The following RASGEF1A variants were observed in gnomAD, a reference collection of about 807,000 sequenced individuals.
RASGEF1A encodes the protein RasGEF domain family member 1A, also known as ras-GEF domain-containing family member 1A.
Under a neutral mutation model 56.4 loss-of-function variants are expected in RASGEF1A, and 18 were observed. That is an observed-to-expected ratio of 0.32 (90% CI 0.22 to 0.47). The LOEUF is 0.47. Ranked by LOEUF, RASGEF1A falls within the 20% of genes least tolerant of loss-of-function variation. The pLI is 1.00. For synonymous variants in RASGEF1A, 245 were observed against 242.6 expected (o/e 1.01, Z -0.09); for missense variants, 422 against 627.1 (o/e 0.67, Z 3.49).
At chr10:43,201,745 C>T in intron 4 of RASGEF1A, 63 bp downstream of exon 4, 1 of 1,442,240 alleles carries the variant, frequency 6.9e-7, no homozygotes, top group Non-Finnish European at 9.3e-7. Flanking sequence ...AAGCCCCCAC[C>T]CTCCCGAGGG....
chr10:43,230,555 G>C (rs947285403), intron 1 of RASGEF1A, among the ~76,000 whole-genome samples: 1 of 151,498 alleles, frequency 6.6e-6, no homozygotes, highest in African/African-American at 2.4e-5. Context: ...AGCTGGGTGA[G>C]AGACCCCTTG....
At chr10:43,235,590 G>A (rs917518492) in intron 1 of RASGEF1A, among the ~76,000 whole-genome samples, 7 of 152,212 alleles carry the variant, frequency 4.6e-5, no homozygotes, top group East Asian at 1.9e-4. Context: ...GTGCCAAGGC[G>A]CCATCCTCAG....
intron 1 of RASGEF1A, among the ~76,000 whole-genome samples, chr10:43,220,186 T>A (rs1050546632): frequency 2.0e-5 from 3 of 152,208 alleles, no homozygotes; most frequent in African/African-American, 7.2e-5. Flanking sequence ...TGTGTAATAA[T>A]GTGTTGTGGT....
At chr10:43,201,989 T>G (rs958090289) in intron 3 of RASGEF1A, 44 bp from the exon 4 acceptor site, 36 of 1,548,224 alleles carry the variant, frequency 2.3e-5, no homozygotes, top group Non-Finnish European at 3.1e-5. Context: ...CAGGGCAGAG[T>G]AGGGTACTAG....
chr10:43,209,191 G>A (rs912930189), intron 1 of RASGEF1A: 13 of 985,302 alleles, frequency 1.3e-5, no homozygotes, highest in Non-Finnish European at 1.6e-5. Flanking sequence ...ATGATACACC[G>A]ATGGCCAGGG....
At chr10:43,220,348 C>A (rs1840191782) in intron 1 of RASGEF1A, among the ~76,000 whole-genome samples, 1 of 152,022 alleles carries the variant, frequency 6.6e-6, no homozygotes, top group Admixed American at 6.6e-5. Flanking sequence ...GAAAAATTAG[C>A]CAGGGGCAGT....
chr10:43,200,245 G>C lies in RASGEF1A; in HGVS notation c.693C>G (p.Ser231Arg). Residue 231 changes from serine (S) to arginine (R), a missense_variant, in exon 6 of 13, where the codon AGC becomes AGG. Coordinates refer to ENST00000395810, the MANE Select transcript of RASGEF1A (RefSeq NM_145313.4). ...GCATCAAGTCCTCAGGGTAAATGCT[G>C]CTGACCCTGTCCTGGGGTGGAAGAT... ...QLTHIELDRV[S>R]SIYPEDLMQI... 6.2e-7 allele frequency: 1 copy of C among 1,605,954 alleles called. No homozygotes were observed. Among genetic ancestry groups the C allele is most frequent in the Non-Finnish European group, 8.5e-7 (1 of 1,175,658 alleles).
At chr10:43,203,575 CCCTT>C in intron 2 of RASGEF1A, 155 bp from the exon 3 acceptor site, 1 of 1,314,322 alleles carries the variant, frequency 7.6e-7, no homozygotes, top group Non-Finnish European at 1.0e-6. Flanking sequence ...GCCTTGCAGG[CCCTT>C]CCTCCTCTTA....
rs757415089 is a variant in RASGEF1A at position 43,199,234 on chromosome 10, G to A, written c.850-40C>T. 2.0e-6 allele frequency: 3 copies of A among 1,508,324 alleles called. No homozygotes were observed. The South Asian group carries it at 3.5e-5, about 18-fold the overall frequency. The allele number at this position is 1,508,324 out of a possible 1,614,324, so 93.4% of individuals were successfully genotyped here. On this transcript the variant is annotated intron_variant, in intron 7 of 12. Transcript: ENST00000395810. ...GTGACCTCAGCATGGCGCTGCCGGG[G>A]GACAGCAGGAGCTGGGGCCGCCGGG...
chr10:43,209,336 G>A (rs1290213317), intron 1 of RASGEF1A: 1 of 503,768 alleles, frequency 2.0e-6, no homozygotes, highest in Non-Finnish European at 2.6e-6. Context: ...GTCACAGCCA[G>A]AGGGCAACAG....
At chr10:43,218,270 A>G (rs937053006) in intron 1 of RASGEF1A, among the ~76,000 whole-genome samples, 3 of 151,734 alleles carry the variant, frequency 2.0e-5, no homozygotes, top group African/African-American at 7.3e-5. Context: ...GGTCCTTCTC[A>G]CCTCCCATGC....
intron 1 of RASGEF1A, among the ~76,000 whole-genome samples, chr10:43,217,429 T>C (rs2133199587): frequency 6.6e-6 from 1 of 152,306 alleles, no homozygotes; most frequent in Admixed American, 6.5e-5. Context: ...ACGACCCGCC[T>C]CAGCGCCTCC....
Position 43,196,841 on chromosome 10 carries a change from C to T in RASGEF1A, c.1348+135G>A, listed in dbSNP as rs1839805737. ...TGACCCACCCTCATGCACACTCGCC[C>T]CTGCGAGCAGAGCCAGCCCTGTGTG... On this transcript the variant is annotated intron_variant, in intron 11 of 12. Coordinates refer to ENST00000395810, the MANE Select transcript of RASGEF1A (RefSeq NM_145313.4). The surrounding 1 kb of genome is among the most constrained non-coding windows in gnomAD (Gnocchi z 4.6). 3.6e-6 allele frequency: 4 copies of T among 1,108,618 alleles called. No individual in the cohort carries two copies. Among genetic ancestry groups the T allele is most frequent in the Non-Finnish European group, 5.1e-6 (4 of 782,472 alleles). The allele number at this position is 1,108,618 out of a possible 1,614,324, so 68.7% of individuals were successfully genotyped here. A position where few individuals can be genotyped will look rare whatever the true frequency, so the allele number is the denominator to read the frequency against.
intron 3 of RASGEF1A, among the ~76,000 whole-genome samples, chr10:43,203,079 C>CG (rs1839932583): frequency 6.7e-6 from 1 of 149,370 alleles, no homozygotes; most frequent in Non-Finnish European, 1.5e-5. Context: ...GACCCCGACC[C>CG]TGCCCCAGCC....
intron 6 of RASGEF1A, 146 bp downstream of exon 6, chr10:43,200,036 T>G (rs1272142): frequency 0.26 from 179,384 of 683,134 alleles, 28,210 homozygotes; most frequent in East Asian, 0.61. Flanking sequence ...TGCTAGGAGG[T>G]CCAGTGCCAC....
intron 1 of RASGEF1A, among the ~76,000 whole-genome samples, chr10:43,217,940 C>T (rs1840158863): frequency 6.6e-6 from 1 of 152,180 alleles, no homozygotes; most frequent in Non-Finnish European, 1.5e-5. Context: ...CTGCTGAGGC[C>T]ATGCACAGCA....
Position 43,225,576 on chromosome 10 carries a change from G to GGTGTGTGT in RASGEF1A, c.-6-19462_-6-19455dup, listed in dbSNP as rs139307816. On this transcript the variant is annotated intron_variant, in intron 1 of 12. Coordinates refer to ENST00000395810, the MANE Select transcript of RASGEF1A (RefSeq NM_145313.4). ...CTCTGTGTGTGGGTGTCTGTGTATGGGTGTGTGTGTGTGTGTGTGTGTGTG... is the reference window on the plus strand; with the variant it reads ...CTCTGTGTGTGGGTGTCTGTGTATGGGTGTGTGTGTGTGTGTGTGTGTGTGTGTGTGTG... Among the ~76,000 whole-genome samples the GGTGTGTGT allele has an allele frequency of 4.3e-4, 63 of 146,180 alleles. No individual in the cohort carries two copies. The East Asian group carries it at 5.1e-3, about 12-fold the overall frequency.
At chr10:43,243,995 G>A (rs537853295) in intron 1 of RASGEF1A, among the ~76,000 whole-genome samples, 2,955 of 152,320 alleles carry the variant, frequency 0.019, 45 homozygotes, top group Non-Finnish European at 0.031. Context: ...TACTGTGTCT[G>A]TGTAGAAAGA....
In RASGEF1A at chr10:43,208,962, A is replaced by C. The variant is rs895714377; in HGVS notation, c.-6-2840T>G. ...CCAGCTGTGAAATGGTGATGATGACAGCACTTCCACTGCGGGGTCCCCTGC... is the reference window on the plus strand; with the variant it reads ...CCAGCTGTGAAATGGTGATGATGACCGCACTTCCACTGCGGGGTCCCCTGC... On this transcript the variant is annotated intron_variant, in intron 1 of 12. Coordinates refer to ENST00000395810, the MANE Select transcript of RASGEF1A (RefSeq NM_145313.4). The C allele has an allele frequency of 1.4e-5, 14 of 985,366 alleles. No individual in the cohort carries two copies. The African/African-American group carries it at 2.4e-4, about 17-fold the overall frequency. The allele number at this position is 985,366 out of a possible 1,614,324, so 61.0% of individuals were successfully genotyped here.
Sources: allele counts gnomAD v4.1 joint callset (sites outside exome capture counted in the v4.1 genomes callset), GRCh38; gene constraint gnomAD v4.1.1; non-coding constraint Gnocchi (gnomAD v3.1); transcripts MANE v1.5; gene names NCBI Gene and HGNC (gene_info 2026-07-23, HGNC 2026-07-21).